KHDRBS2: variants seen among roughly 807,000 people sequenced by gnomAD.
The protein encoded by KHDRBS2 is KH domain-containing, RNA-binding, signal transduction-associated protein 2.
Under a neutral mutation model 44.3 loss-of-function variants are expected in KHDRBS2, and 26 were observed. The observed-to-expected ratio is 0.59, with a 90% CI of 0.43 to 0.81. The LOEUF (loss-of-function observed/expected upper bound fraction) is 0.81. Among genes scored for constraint, KHDRBS2 ranks in the 40% least tolerant of loss-of-function variants. The probability of loss-of-function intolerance (pLI) is 0.00; values close to 1 mark genes in which losing one functional copy is unlikely to be tolerated. For missense variants in KHDRBS2, 476 were observed against 433.1 expected, an observed-to-expected ratio of 1.10 and a Z score of -0.88; for synonymous variants, 194 against 151.1, an observed-to-expected ratio of 1.28 and a Z score of -2.08.
the KHDRBS2 span, among the ~76,000 whole-genome samples, chr6:61,609,579 C>G: frequency 6.6e-6 from 1 of 152,118 alleles, no homozygotes; most frequent in African/African-American, 2.4e-5. Context: ...TCATAGCTAT[C>G]ATTTGTAAAA....
intron 1 of KHDRBS2, among the ~76,000 whole-genome samples, chr6:62,225,069 C>A (rs1342579593): frequency 6.6e-6 from 1 of 152,090 alleles, no homozygotes; most frequent in Non-Finnish European, 1.5e-5. Flanking sequence ...TTTTTCATAA[C>A]TGAGGAAGGT....
intron 1 of KHDRBS2, among the ~76,000 whole-genome samples, chr6:62,201,749 G>T (rs1827039231): frequency 6.6e-6 from 1 of 151,692 alleles, no homozygotes. Flanking sequence ...AAGCTAGTGG[G>T]GCAAATAAGT....
chr6:62,128,177 T>C (rs1398747707), intron 2 of KHDRBS2, among the ~76,000 whole-genome samples: 1 of 152,102 alleles, frequency 6.6e-6, no homozygotes, highest in Non-Finnish European at 1.5e-5. Context: ...GAGCATGAAA[T>C]AGTGAGCAGG....
intron 7 of KHDRBS2, among the ~76,000 whole-genome samples, chr6:61,724,141 G>C (rs1442890610): frequency 6.6e-6 from 1 of 152,106 alleles, no homozygotes; most frequent in Non-Finnish European, 1.5e-5. Flanking sequence ...TATAAGCCAG[G>C]AGAGATTGGG....
chr6:61,809,319 A>G (rs771656335), intron 6 of KHDRBS2, among the ~76,000 whole-genome samples: 1 of 152,158 alleles, frequency 6.6e-6, no homozygotes, highest in Non-Finnish European at 1.5e-5. Flanking sequence ...AAAAGCTATT[A>G]CTGCAACCAG....
intron 4 of KHDRBS2, among the ~76,000 whole-genome samples, chr6:61,941,170 A>T (rs1812055177): frequency 6.6e-6 from 1 of 152,142 alleles, no homozygotes; most frequent in Non-Finnish European, 1.5e-5. Context: ...GTCAATAATC[A>T]TTGGCATCTG....
At chr6:62,108,324 G>T (rs1804036491) in intron 2 of KHDRBS2, among the ~76,000 whole-genome samples, 1 of 152,132 alleles carries the variant, frequency 6.6e-6, no homozygotes, top group Admixed American at 6.5e-5. Flanking sequence ...CATTTATGCA[G>T]CCAAAAAAAC....
chr6:62,274,344 C>G (rs74444702), intron 1 of KHDRBS2, among the ~76,000 whole-genome samples: 8,393 of 152,252 alleles, frequency 0.055, 319 homozygotes, highest in Non-Finnish European at 0.071. Context: ...CTACATCATA[C>G]TTTAAATAAA....
chr6:61,637,529 A>G, the KHDRBS2 span, among the ~76,000 whole-genome samples: 2 of 152,196 alleles, frequency 1.3e-5, no homozygotes, highest in Non-Finnish European at 2.9e-5. Context: ...CATGATTTAT[A>G]GTCCTTTGGG....
chr6:62,093,237 A>C (rs1257205496), intron 2 of KHDRBS2, among the ~76,000 whole-genome samples: 1 of 151,806 alleles, frequency 6.6e-6, no homozygotes, highest in Non-Finnish European at 1.5e-5. Flanking sequence ...AAAAAAAAAA[A>C]ATTAAAAGAA....
chr6:62,216,497 G>A (rs1363291314), intron 1 of KHDRBS2, among the ~76,000 whole-genome samples: 4 of 151,558 alleles, frequency 2.6e-5, no homozygotes, highest in Non-Finnish European at 5.9e-5. Flanking sequence ...AAAGGTTAGG[G>A]ATCTAAGAGG....
intron 4 of KHDRBS2, among the ~76,000 whole-genome samples, chr6:61,971,328 G>A (rs1296658110): frequency 6.6e-6 from 1 of 151,982 alleles, no homozygotes; most frequent in African/African-American, 2.4e-5. Context: ...AATATCATCT[G>A]GAAGAATCAA....
At chr6:61,630,018 A>G in the KHDRBS2 span, among the ~76,000 whole-genome samples, 16 of 152,216 alleles carry the variant, frequency 1.1e-4, no homozygotes. Context: ...GTGGGTCAAT[A>G]CGCATTTTAA....
At chr6:61,731,793 A>T (rs1010701583) in intron 7 of KHDRBS2, among the ~76,000 whole-genome samples, 10 of 152,128 alleles carry the variant, frequency 6.6e-5, no homozygotes, top group African/African-American at 2.4e-4. Flanking sequence ...CTTTTAAGAA[A>T]AAAAAGTGGG....
chr6:61,861,188 C>CT (rs1359661169), intron 6 of KHDRBS2, among the ~76,000 whole-genome samples: 1 of 152,068 alleles, frequency 6.6e-6, no homozygotes, highest in African/African-American at 2.4e-5. Context: ...TTCATAGCTT[C>CT]TTTTGCTGTG....
At chr6:62,190,499 A>G (rs936864724) in intron 1 of KHDRBS2, among the ~76,000 whole-genome samples, 1 of 152,002 alleles carries the variant, frequency 6.6e-6, no homozygotes, top group Non-Finnish European at 1.5e-5. Flanking sequence ...TTGGAACAAA[A>G]TCCTTTTGTT....
At chr6:61,549,174 G>T in the KHDRBS2 span, among the ~76,000 whole-genome samples, 2 of 152,114 alleles carry the variant, frequency 1.3e-5, no homozygotes, top group South Asian at 4.1e-4. Flanking sequence ...AATGAAAATA[G>T]ATATTGGAAA....
At chr6:61,585,169 G>A in the KHDRBS2 span, among the ~76,000 whole-genome samples, 3 of 151,852 alleles carry the variant, frequency 2.0e-5, no homozygotes, top group Non-Finnish European at 4.4e-5. Flanking sequence ...TTGTGGATTT[G>A]TGCCTAGGAC....
chr6:61,672,519 CT>C, the KHDRBS2 span, among the ~76,000 whole-genome samples: 1 of 152,076 alleles, frequency 6.6e-6, no homozygotes, highest in Non-Finnish European at 1.5e-5. Context: ...AGTTTCCTGA[CT>C]TTTCAATGAT....
Sources: allele counts gnomAD v4.1 joint callset (sites outside exome capture counted in the v4.1 genomes callset), GRCh38; gene constraint gnomAD v4.1.1; transcripts MANE v1.5; gene names NCBI Gene and HGNC (gene_info 2026-07-23, HGNC 2026-07-21).